The following BCKDHA variants were observed in gnomAD, a reference collection of about 807,000 sequenced individuals.
The protein encoded by BCKDHA is 2-oxoisovalerate dehydrogenase subunit alpha, mitochondrial.
In BCKDHA, 43 loss-of-function variants were observed where a neutral mutation model predicts 52.2. The observed-to-expected ratio is 0.82, with a 90% CI of 0.64 to 1.06. The LOEUF is 1.06. BCKDHA is among the 50% of genes least tolerant of loss of function. The pLI is 0.00. For missense variants in BCKDHA, 527 were observed against 621.3 expected (o/e 0.85, Z 1.61); for synonymous variants, 234 against 247.9 (o/e 0.94, Z 0.53).
At chr19:41,419,039 T>G in intron 4 of BCKDHA, 96 bp from the exon 5 acceptor site, 2 of 1,461,990 alleles carry the variant, frequency 1.4e-6, no homozygotes, top group Non-Finnish European at 1.9e-6. Context: ...GCCTGAGCTT[T>G]CCTGTCTGCC....
intron 1 of BCKDHA, among the ~76,000 whole-genome samples, chr19:41,406,046 G>A (rs188952799): frequency 1.3e-5 from 2 of 152,210 alleles, no homozygotes; most frequent in East Asian, 3.9e-4. Flanking sequence ...CTCCCATTAT[G>A]GAGCATTTCC....
chr19:41,408,176 CA>C (rs771249664), intron 1 of BCKDHA, among the ~76,000 whole-genome samples: 17 of 151,270 alleles, frequency 1.1e-4, no homozygotes, highest in Non-Finnish European at 2.5e-4. Context: ...AGGCTGGTCT[CA>C]AACTCCTGAG....
intron 5 of BCKDHA, among the ~76,000 whole-genome samples, chr19:41,420,441 A>G (rs1028217941): frequency 6.6e-6 from 1 of 152,178 alleles, no homozygotes; most frequent in Non-Finnish European, 1.5e-5. Flanking sequence ...CCTACTAAAC[A>G]TACAAAAATT....
intron 1 of BCKDHA, among the ~76,000 whole-genome samples, chr19:41,402,838 G>A (rs1239735642): frequency 6.6e-6 from 1 of 152,074 alleles, no homozygotes; most frequent in Non-Finnish European, 1.5e-5. Flanking sequence ...ACAGGGTTTT[G>A]CCATGTTGGC....
At chr19:41,414,246 C>CA in intron 4 of BCKDHA, 89 bp downstream of exon 4, 1 of 1,289,848 alleles carries the variant, frequency 7.8e-7, no homozygotes, top group Non-Finnish European at 1.1e-6. Flanking sequence ...AGCATAGTGC[C>CA]AGGAAGGTCT....
Position 41,422,236 on chromosome 19 carries a change from C to A in BCKDHA, c.719C>A (p.Ala240Glu). 1 of 1,614,202 alleles carries A rather than the reference C, an allele frequency of 6.2e-7. No homozygotes were observed. Among genetic ancestry groups the A allele is most frequent in the African/African-American group, 1.3e-5 (1 of 75,066 alleles). The change falls in exon 6 of 9, where the codon GCA becomes GAA. Residue 240 changes from alanine to glutamate, a missense_variant. Ala to Glu is a moderately radical substitution (Grantham distance 107). Coordinates refer to ENST00000269980, the MANE Select transcript of BCKDHA (RefSeq NM_000709.4). ...RVVICYFGEG[A>E]ASEGDAHAGF... ...GTCATCTGTTACTTCGGCGAGGGGG[C>A]AGCCAGTGAGGGGGACGCCCATGCC...
At chr19:41,420,118 C>G (rs1360431021) in intron 5 of BCKDHA, among the ~76,000 whole-genome samples, 1 of 152,144 alleles carries the variant, frequency 6.6e-6, no homozygotes, top group African/African-American at 2.4e-5. Flanking sequence ...CAGAAGAGGG[C>G]TCTGTTGCTG....
chr19:41,402,042 C>T (rs572196869), intron 1 of BCKDHA, among the ~76,000 whole-genome samples: 9 of 152,246 alleles, frequency 5.9e-5, no homozygotes, highest in South Asian at 2.1e-4. Flanking sequence ...TGGCGGAAGG[C>T]AAATGAGGAG....
intron 1 of BCKDHA, among the ~76,000 whole-genome samples, chr19:41,407,668 A>G (rs920798189): frequency 6.6e-6 from 1 of 152,210 alleles, no homozygotes; most frequent in South Asian, 2.1e-4. Context: ...CACACTGAAC[A>G]TGCTACCCCG....
intron 5 of BCKDHA, among the ~76,000 whole-genome samples, chr19:41,419,566 C>T (rs969922457): frequency 6.6e-5 from 10 of 152,108 alleles, no homozygotes; most frequent in Non-Finnish European, 1.2e-4. Flanking sequence ...CTCAGCCTCC[C>T]GATTAGCTGA....
chr19:41,424,011 G>A lies in BCKDHA; in HGVS notation c.1168-427G>A, dbSNP rs1489961696. ...ATCTCTTAAAAAAAAAAAAAAGCTG[G>A]TTTGAGGATTAGGTGGCAAACCGTG... is the stretch of plus-strand genomic sequence containing the variant. On this transcript the variant is annotated intron_variant, in intron 8 of 8. Transcript: ENST00000269980. 3.3e-5 allele frequency among the ~76,000 whole-genome samples: 5 copies of A among 151,588 alleles called. No individual in the cohort carries two copies. In the South Asian group the frequency reaches 8.3e-4, roughly 25 times the overall value.
At chr19:41,408,623 T>C (rs370067171) in intron 1 of BCKDHA, among the ~76,000 whole-genome samples, 4 of 149,004 alleles carry the variant, frequency 2.7e-5, no homozygotes, top group South Asian at 4.2e-4. Context: ...CCTCTGAGCT[T>C]TTTTTTTTGT....
intron 1 of BCKDHA, among the ~76,000 whole-genome samples, chr19:41,406,005 C>G (rs1331485781): frequency 6.6e-6 from 1 of 152,152 alleles, no homozygotes; most frequent in East Asian, 1.9e-4. Context: ...GGTGGAGTCG[C>G]ATCCTTCCTC....
intron 1 of BCKDHA, among the ~76,000 whole-genome samples, chr19:41,403,405 C>T (rs760447284): frequency 1.3e-5 from 2 of 152,200 alleles, no homozygotes; most frequent in African/African-American, 2.4e-5. Flanking sequence ...GATAACAGTG[C>T]CTGCCCCGTC....
chr19:41,424,949 G>A lies in BCKDHA; in HGVS notation c.*341G>A, dbSNP rs945605392. On this transcript the variant is annotated 3_prime_UTR_variant, in exon 9 of 9. Coordinates refer to ENST00000269980, the MANE Select transcript of BCKDHA (RefSeq NM_000709.4). ...GTCAGCCTGTGGAACTTGCGCAGGT[G>A]CGAGTGGCCAGCAGAGGTCACGAAT... is the stretch of plus-strand genomic sequence containing the variant. The A allele has an allele frequency of 6.0e-5, 16 of 266,876 alleles. No homozygotes were observed. Among genetic ancestry groups the A allele is most frequent in the African/African-American group, 1.1e-4 (5 of 45,372 alleles). The allele number at this position is 266,876 out of a possible 1,614,324, so 16.5% of individuals were successfully genotyped here.
At chr19:41,406,806 G>C (rs750247327) in intron 1 of BCKDHA, among the ~76,000 whole-genome samples, 114 of 152,180 alleles carry the variant, frequency 7.5e-4, no homozygotes, top group Non-Finnish European at 1.4e-3. Flanking sequence ...CTGACCTCAG[G>C]TGATCTGCCT....
intron 1 of BCKDHA, among the ~76,000 whole-genome samples, chr19:41,410,032 C>T (rs897635313): frequency 1.8e-4 from 27 of 152,142 alleles, no homozygotes; most frequent in African/African-American, 6.0e-4. Context: ...AACTCCTGAC[C>T]TCAAGTGAGA....
intron 2 of BCKDHA, 44 bp downstream of exon 2, chr19:41,410,860 G>A: frequency 1.2e-6 from 2 of 1,613,550 alleles, no homozygotes; most frequent in Non-Finnish European, 1.7e-6. Flanking sequence ...CCACGCCCAG[G>A]CCCCTTGCCT....
chr19:41,416,211 T>C (rs1454489576), intron 4 of BCKDHA, among the ~76,000 whole-genome samples: 3 of 152,120 alleles, frequency 2.0e-5, no homozygotes, highest in African/African-American at 7.2e-5. Context: ...CCCAAAGTGC[T>C]GGGGATTACA....
Sources: gnomAD v4.1 joint callset for allele counts (sites outside exome capture counted in the v4.1 genomes callset) on GRCh38, gnomAD v4.1.1 for gene constraint, MANE v1.5 for transcripts, NCBI Gene and HGNC (gene_info 2026-07-23, HGNC 2026-07-21) for gene names.